The following ATP8B4 variants were observed in gnomAD, a reference collection of about 807,000 sequenced individuals.
ATP8B4 encodes ATPase phospholipid transporting 8B4 (putative), also known as probable phospholipid-transporting ATPase IM.
ATP8B4 carries 133 observed loss-of-function variants against 145.6 expected under a neutral mutation model. The ratio of observed to expected loss-of-function variants is 0.91; its 90% confidence interval spans 0.79 to 1.05. The LOEUF (loss-of-function observed/expected upper bound fraction) is 1.05, where lower values mean the gene tolerates loss of function less well. Among genes scored for constraint, ATP8B4 ranks in the 50% least tolerant of loss-of-function variants. The probability of loss-of-function intolerance (pLI) is 0.00; values close to 1 mark genes in which losing one functional copy is unlikely to be tolerated. For missense variants in ATP8B4, 1,458 were observed against 1,425.2 expected, an observed-to-expected ratio of 1.02 and a Z score of -0.37; for synonymous variants, 507 against 492.9, an observed-to-expected ratio of 1.03 and a Z score of -0.38.
chr15:50,002,057 C>A, intron 8 of ATP8B4, 96 bp downstream of exon 8: 1 of 1,025,054 alleles, frequency 9.8e-7, no homozygotes, highest in Non-Finnish European at 1.4e-6. Context: ...CTATGTCTCC[C>A]AAGAAGATAC....
chr15:50,172,960 C>T (rs761668207), intron 1 of ATP8B4, among the ~76,000 whole-genome samples: 13,172 of 148,686 alleles, frequency 0.089, 787 homozygotes, highest in African/African-American at 0.16. Context: ...CCGCCCCATC[C>T]GGGAGGTGGG....
chr15:50,082,585 A>G (rs143221206), intron 2 of ATP8B4, among the ~76,000 whole-genome samples: 4 of 152,310 alleles, frequency 2.6e-5, no homozygotes, highest in Admixed American at 2.6e-4. Flanking sequence ...GAAATGTAAA[A>G]TTTTTACCAA....
At chr15:49,937,376 C>A (rs1468442738) in intron 14 of ATP8B4, among the ~76,000 whole-genome samples, 1 of 152,116 alleles carries the variant, frequency 6.6e-6, no homozygotes, top group Non-Finnish European at 1.5e-5. Context: ...AAAATATGTG[C>A]TATGTTTATA....
intron 12 of ATP8B4, among the ~76,000 whole-genome samples, chr15:49,975,370 T>C (rs1007619837): frequency 6.6e-6 from 1 of 152,176 alleles, no homozygotes; most frequent in African/African-American, 2.4e-5. Context: ...TTACATAAAA[T>C]GGCAGAGTAT....
intron 2 of ATP8B4, among the ~76,000 whole-genome samples, chr15:50,084,128 GACTACACC>G (rs569251146): frequency 4.3e-4 from 65 of 151,750 alleles, no homozygotes; most frequent in Non-Finnish European, 8.8e-4. Context: ...ACCTGACCCA[GACTACACC>G]ACCGTGATGT....
chr15:49,879,619 G>T (rs1598866824), intron 23 of ATP8B4, 160 bp from the exon 24 acceptor site: 1 of 614,620 alleles, frequency 1.6e-6, no homozygotes, highest in East Asian at 2.9e-5. Context: ...ATCAGCTCTG[G>T]TGCCTTAATG....
chr15:50,032,542 A>G (rs2050528273), intron 6 of ATP8B4, among the ~76,000 whole-genome samples: 1 of 152,218 alleles, frequency 6.6e-6, no homozygotes. Context: ...TACTTTGGGC[A>G]AATATCCAGT....
chr15:49,879,680 T>C (rs891943568), intron 23 of ATP8B4: 1 of 473,994 alleles, frequency 2.1e-6, no homozygotes. Context: ...AAGTGATGTA[T>C]ACCCTTCCTG....
intron 21 of ATP8B4, 97 bp downstream of exon 21, chr15:49,900,995 G>T: frequency 2.1e-6 from 3 of 1,442,128 alleles, no homozygotes; most frequent in South Asian, 1.4e-5. Context: ...AGTGACATTT[G>T]TCTGGAAAAG....
At chr15:49,911,122 C>A (rs1165616232) in intron 20 of ATP8B4, among the ~76,000 whole-genome samples, 1 of 151,978 alleles carries the variant, frequency 6.6e-6, no homozygotes, top group African/African-American at 2.4e-5. Flanking sequence ...GTGACAGGAA[C>A]AAAACCTCAC....
At chr15:49,976,874 T>C (rs572598795) in intron 12 of ATP8B4, among the ~76,000 whole-genome samples, 41 of 152,278 alleles carry the variant, frequency 2.7e-4, no homozygotes, top group Non-Finnish European at 4.6e-4. Flanking sequence ...TCTGCCTGAA[T>C]ACTCACAGAA....
intron 14 of ATP8B4, among the ~76,000 whole-genome samples, chr15:49,942,882 C>G (rs756305251): frequency 6.6e-6 from 1 of 151,822 alleles, no homozygotes; most frequent in South Asian, 2.1e-4. Context: ...AGAAATTAGT[C>G]TAAAGAAACA....
At chr15:50,079,952 C>T (rs574352880) in intron 2 of ATP8B4, among the ~76,000 whole-genome samples, 1 of 152,124 alleles carries the variant, frequency 6.6e-6, no homozygotes, top group South Asian at 2.1e-4. Flanking sequence ...CATTTTTTGA[C>T]ACCTGAGGAG....
At chr15:50,099,496 G>T (rs77694113) in intron 2 of ATP8B4, among the ~76,000 whole-genome samples, 3,032 of 152,112 alleles carry the variant, frequency 0.02, 108 homozygotes, top group African/African-American at 0.07. Context: ...GCCCACTCTG[G>T]TCTAAAACTC....
intron 14 of ATP8B4, among the ~76,000 whole-genome samples, chr15:49,957,133 G>A (rs1300473626): frequency 6.6e-6 from 1 of 151,884 alleles, no homozygotes; most frequent in East Asian, 1.9e-4. Flanking sequence ...GCTGCAAATC[G>A]ACTCATAGAA....
At chr15:50,025,316 C>T (rs921476748) in intron 6 of ATP8B4, among the ~76,000 whole-genome samples, 1 of 152,148 alleles carries the variant, frequency 6.6e-6, no homozygotes, top group Non-Finnish European at 1.5e-5. Flanking sequence ...GGAAAAAGAC[C>T]CAAACTCTTA....
chr15:50,086,142 T>A (rs1229724650), intron 2 of ATP8B4, among the ~76,000 whole-genome samples: 1 of 84,678 alleles, frequency 1.2e-5, no homozygotes, highest in Non-Finnish European at 2.1e-5. Context: ...ATAAAATAGA[T>A]CTATATTTAT....
At chr15:49,964,090 T>C (rs996250844) in intron 13 of ATP8B4, among the ~76,000 whole-genome samples, 71 of 152,244 alleles carry the variant, frequency 4.7e-4, no homozygotes, top group African/African-American at 1.7e-3. Flanking sequence ...TAAATCTAAG[T>C]TCTCTCTCTC....
intron 6 of ATP8B4, among the ~76,000 whole-genome samples, chr15:50,031,314 C>T (rs1444105871): frequency 6.6e-6 from 1 of 152,088 alleles, no homozygotes; most frequent in Non-Finnish European, 1.5e-5. Context: ...AATACCTTTC[C>T]CCTAGCCCCA....
Sources: gnomAD v4.1 joint callset for allele counts (sites outside exome capture counted in the v4.1 genomes callset) on GRCh38, gnomAD v4.1.1 for gene constraint, MANE v1.5 for transcripts, NCBI Gene and HGNC (gene_info 2026-07-23, HGNC 2026-07-21) for gene names.